The following PLD5 variants were observed in gnomAD, a reference collection of about 807,000 sequenced individuals.
PLD5 encodes inactive phospholipase D5.
A neutral mutation model predicts 61.1 loss-of-function variants in PLD5; 36 were observed. The observed-to-expected ratio is 0.59, with a 90% confidence interval of 0.45 to 0.78. PLD5 has a LOEUF of 0.78. Among genes scored for constraint, PLD5 ranks in the 30% least tolerant of loss-of-function variants. PLD5 has a pLI of 0.00. For missense variants in PLD5, 515 were observed against 644.4 expected, an observed-to-expected ratio of 0.80 and a Z score of 2.17; for synonymous variants, 243 against 242.8, an observed-to-expected ratio of 1.00 and a Z score of -0.01.
In PLD5 at chr1:242,265,280, T is replaced by A. The variant is rs1574635002; in HGVS notation, c.607+57A>T. The A allele has an allele frequency of 3.9e-6, 6 of 1,551,106 alleles. No individual in the cohort carries two copies. The East Asian group carries it at 1.4e-4, about 36-fold the overall frequency. On this transcript the variant is annotated intron_variant, in intron 4 of 9. Transcript: ENST00000536534. ...AATTATATATTATTTTAAGTGAAAT[T>A]AAAGGTATCTTAACAGAACACCCAG...
chr1:242,367,805 A>T (rs1661426179), intron 1 of PLD5, among the ~76,000 whole-genome samples: 1 of 152,170 alleles, frequency 6.6e-6, no homozygotes, highest in South Asian at 2.1e-4. Context: ...AATAAGAGTC[A>T]AGTTCTCAGG....
chr1:242,303,038 G>A (rs962626504), intron 2 of PLD5, among the ~76,000 whole-genome samples: 5 of 152,104 alleles, frequency 3.3e-5, no homozygotes, highest in Non-Finnish European at 5.9e-5. Flanking sequence ...TGAACTCAGC[G>A]CCTTAGACCG....
intron 1 of PLD5, among the ~76,000 whole-genome samples, chr1:242,468,319 G>A (rs1444490061): frequency 6.6e-6 from 1 of 152,108 alleles, no homozygotes; most frequent in East Asian, 1.9e-4. Flanking sequence ...CAGACAAACT[G>A]TATGTAATAG....
intron 5 of PLD5, among the ~76,000 whole-genome samples, chr1:242,181,013 A>C (rs894939442): frequency 4.0e-5 from 6 of 151,676 alleles, no homozygotes; most frequent in East Asian, 1.9e-4. Context: ...AACAAACAAA[A>C]AAACACAAAA....
chr1:242,391,495 T>C (rs2149264802), intron 1 of PLD5, among the ~76,000 whole-genome samples: 1 of 152,280 alleles, frequency 6.6e-6, no homozygotes, highest in East Asian at 1.9e-4. Flanking sequence ...GAGAATTTCC[T>C]TTAGTTTATA....
chr1:242,261,058 T>A (rs144977570), intron 4 of PLD5, among the ~76,000 whole-genome samples: 2 of 152,170 alleles, frequency 1.3e-5, no homozygotes, highest in African/African-American at 4.8e-5. Flanking sequence ...TTTCAAAACC[T>A]GAAGGTCCAA....
Position 242,375,914 on chromosome 1 carries a change from C to T in PLD5, c.190-27672G>A, listed in dbSNP as rs190952745. ...CAACTCTAAGTACCAGAACATTTGG[C>T]AGCAGCACCCAGAACAGGAAACGCC... On this transcript the variant is annotated intron_variant, in intron 1 of 9. Coordinates refer to ENST00000536534, the MANE Select transcript of PLD5 (RefSeq NM_001372062.1). Among the ~76,000 whole-genome samples the T allele has an allele frequency of 7.1e-3, 1,074 of 152,268 alleles. 5 individuals carry two copies. Among genetic ancestry groups the T allele is most frequent in the Non-Finnish European group, 0.011 (763 of 68,018 alleles).
At chr1:242,217,574 C>T (rs551836418) in intron 5 of PLD5, among the ~76,000 whole-genome samples, 2 of 151,914 alleles carry the variant, frequency 1.3e-5, no homozygotes, top group East Asian at 3.9e-4. Context: ...CAGTGAGCTG[C>T]CACTGCACTC....
At chr1:242,404,502 T>A (rs1405529738) in intron 1 of PLD5, among the ~76,000 whole-genome samples, 1 of 152,112 alleles carries the variant, frequency 6.6e-6, no homozygotes, top group Admixed American at 6.5e-5. Flanking sequence ...TTGTTCACAC[T>A]ACGCCAGACA....
chr1:242,513,351 G>C (rs1471027997), intron 1 of PLD5, among the ~76,000 whole-genome samples: 1 of 152,162 alleles, frequency 6.6e-6, no homozygotes, highest in Non-Finnish European at 1.5e-5. Flanking sequence ...GCATCTACTA[G>C]GCACTGTGCT....
At chr1:242,215,585 T>C (rs1045684963) in intron 5 of PLD5, among the ~76,000 whole-genome samples, 6 of 152,188 alleles carry the variant, frequency 3.9e-5, no homozygotes, top group Admixed American at 2.0e-4. Context: ...AAATGAATTA[T>C]TAACATGGGG....
chr1:242,188,909 A>G (rs945291321), intron 5 of PLD5: 2 of 152,242 alleles, frequency 1.3e-5, no homozygotes, highest in African/African-American at 4.8e-5. Flanking sequence ...TCAAGCACAC[A>G]GACACACAGA....
intron 2 of PLD5, among the ~76,000 whole-genome samples, chr1:242,330,258 A>G (rs1574745367): frequency 6.6e-6 from 1 of 152,182 alleles, no homozygotes; most frequent in African/African-American, 2.4e-5. Flanking sequence ...AATGGCTCCC[A>G]GTTAGTTTCA....
chr1:242,186,509 A>T (rs555262155), intron 5 of PLD5, among the ~76,000 whole-genome samples: 213 of 152,050 alleles, frequency 1.4e-3, no homozygotes, highest in African/African-American at 4.7e-3. Flanking sequence ...TATTTTTTTT[A>T]AAGTTTCTTT....
intron 2 of PLD5, among the ~76,000 whole-genome samples, chr1:242,334,525 A>G (rs1283346395): frequency 6.6e-6 from 1 of 152,190 alleles, no homozygotes; most frequent in Non-Finnish European, 1.5e-5. Flanking sequence ...TGGACAACGT[A>G]GCAGACATCG....
intron 1 of PLD5, among the ~76,000 whole-genome samples, chr1:242,398,842 A>G (rs1663755999): frequency 6.6e-6 from 1 of 152,238 alleles, no homozygotes; most frequent in East Asian, 1.9e-4. Flanking sequence ...TAGACATGGC[A>G]TGTCACAGAA....
intron 4 of PLD5, among the ~76,000 whole-genome samples, chr1:242,240,037 A>T (rs1298782624): frequency 6.6e-6 from 1 of 152,240 alleles, no homozygotes; most frequent in Admixed American, 6.5e-5. Context: ...ATTTTCTACC[A>T]GGAACAAACA....
At chr1:242,518,849 T>C (rs943879162) in intron 1 of PLD5, among the ~76,000 whole-genome samples, 1 of 152,180 alleles carries the variant, frequency 6.6e-6, no homozygotes, top group Non-Finnish European at 1.5e-5. Context: ...AATGTCAACC[T>C]GCAGTGAGAG....
At chr1:242,127,802 G>C (rs774744140) in intron 5 of PLD5, among the ~76,000 whole-genome samples, 1 of 152,112 alleles carries the variant, frequency 6.6e-6, no homozygotes, top group Non-Finnish European at 1.5e-5. Context: ...AAGACTTATG[G>C]AATATAAATA....
Sources: gnomAD v4.1 joint callset for allele counts (sites outside exome capture counted in the v4.1 genomes callset) on GRCh38, gnomAD v4.1.1 for gene constraint, MANE v1.5 for transcripts, NCBI Gene and HGNC (gene_info 2026-07-23, HGNC 2026-07-21) for gene names.